The following SLC25A26 variants were observed in gnomAD, a reference collection of about 807,000 sequenced individuals.
SLC25A26 encodes the protein mitochondrial S-adenosylmethionine carrier protein.
A neutral mutation model predicts 37.8 loss-of-function variants in SLC25A26; 36 were observed. The ratio of observed to expected loss-of-function variants is 0.95; its 90% CI spans 0.73 to 1.26. SLC25A26 has a LOEUF of 1.26. SLC25A26 is among the 50% of genes most tolerant of loss of function. SLC25A26 has a pLI of 0.00. For synonymous variants in SLC25A26, 129 were observed against 122.5 expected (o/e 1.05, Z -0.35); for missense variants, 390 against 331.1 (o/e 1.18, Z -1.38).
chr3:66,361,071 G>C (rs2076696550), intron 6 of SLC25A26, among the ~76,000 whole-genome samples: 1 of 152,152 alleles, frequency 6.6e-6, no homozygotes, highest in African/African-American at 2.4e-5. Context: ...ACATAATAGA[G>C]AGTTCAGAAA....
intron 2 of SLC25A26, among the ~76,000 whole-genome samples, chr3:66,241,963 G>T (rs1252566900): frequency 6.6e-6 from 1 of 151,760 alleles, no homozygotes; most frequent in Non-Finnish European, 1.5e-5. Context: ...AGCTAGCCCA[G>T]CCCCTATTCT....
chr3:66,357,866 G>A (rs2076612508), intron 6 of SLC25A26, among the ~76,000 whole-genome samples: 1 of 152,174 alleles, frequency 6.6e-6, no homozygotes, highest in Non-Finnish European at 1.5e-5. Context: ...GGACGAACCA[G>A]CCTCAGTTTT....
At chr3:66,215,659 T>G (rs1026560266) in intron 1 of SLC25A26, among the ~76,000 whole-genome samples, 2 of 152,248 alleles carry the variant, frequency 1.3e-5, no homozygotes, top group Admixed American at 1.3e-4. Flanking sequence ...TAAAGCCATA[T>G]GACTGGTACT....
intron 9 of SLC25A26, among the ~76,000 whole-genome samples, chr3:66,373,207 G>A (rs1027437430): frequency 3.3e-5 from 5 of 152,208 alleles, no homozygotes; most frequent in South Asian, 2.1e-4. Context: ...TGCCACTGCC[G>A]CGAGCATCCC....
At chr3:66,178,780 C>A (rs1389732501) in intron 1 of SLC25A26, among the ~76,000 whole-genome samples, 1 of 151,952 alleles carries the variant, frequency 6.6e-6, no homozygotes, top group Non-Finnish European at 1.5e-5. Context: ...TAAACGCCAG[C>A]AAGTAACATA....
chr3:66,371,536 G>T (rs1700343768), intron 9 of SLC25A26: 1 of 1,252,262 alleles, frequency 8.0e-7, no homozygotes, highest in Admixed American at 3.6e-5. Context: ...CAACTCTGAG[G>T]GATTGACGTT....
Position 66,284,374 on chromosome 3 carries a change from A to G in SLC25A26, c.453+20995A>G, listed in dbSNP as rs143047663. On this transcript the variant is annotated intron_variant, in intron 5 of 9. Coordinates refer to ENST00000354883, the MANE Select transcript of SLC25A26 (RefSeq NM_001379210.1). Reference sequence around the variant, plus strand: ...ATGCTGAGTGCTGGAACTCTAATCCATTGCTATCAGAGAGGGAATAAAGTC... The same window carrying G: ...ATGCTGAGTGCTGGAACTCTAATCCGTTGCTATCAGAGAGGGAATAAAGTC... Among the ~76,000 whole-genome samples the G allele has an allele frequency of 6.6e-3, 999 of 152,298 alleles. 8 individuals are homozygous for G. The highest frequency in any genetic ancestry group is 9.9e-3 in the Non-Finnish European group (674 of 68,008).
rs567641692 is a variant in SLC25A26 at position 66,182,230 on chromosome 3, G to T, written c.-353-38512G>T. ...TGAAAATGACAGCCTGAGGAAGTTT[G>T]TTGGGCTCTCCTAGGGAGTGAGTGG... On this transcript the variant is annotated intron_variant, in intron 1 of 10. Transcript: ENST00000676754. Among the ~76,000 whole-genome samples the T allele has an allele frequency of 5.3e-5, 8 of 152,300 alleles. No homozygotes were observed. The South Asian group carries it at 1.7e-3, about 32-fold the overall frequency.
chr3:66,353,357 G>A (rs1177605661), intron 6 of SLC25A26, among the ~76,000 whole-genome samples: 1 of 152,156 alleles, frequency 6.6e-6, no homozygotes, highest in African/African-American at 2.4e-5. Flanking sequence ...TGTGAAGTAG[G>A]TGCTGGCCTG....
chr3:66,377,417 GCTGGAAGTGCCTTCCAGCCTTAC>G (rs1700731243), intron 9 of SLC25A26, among the ~76,000 whole-genome samples: 1 of 152,062 alleles, frequency 6.6e-6, no homozygotes, highest in Non-Finnish European at 1.5e-5. Context: ...AGAGGTGTGG[GCTGGAAGTGCCTTCCAGCCTTAC>G]CTAGGATTCA....
At chr3:66,219,846 G>A (rs1229206146), upstream of SLC25A26, among the ~76,000 whole-genome samples, 1 of 152,150 alleles carries the variant, frequency 6.6e-6, no homozygotes, top group Non-Finnish European at 1.5e-5. Flanking sequence ...TAATATAATA[G>A]TACCGCATGA....
chr3:66,265,166 C>T (rs2073694922), intron 5 of SLC25A26, among the ~76,000 whole-genome samples: 1 of 151,888 alleles, frequency 6.6e-6, no homozygotes, highest in African/African-American at 2.4e-5. Context: ...CGAAAACTAG[C>T]TGGGCATGGT....
At chr3:66,234,468 G>A (rs1444359604) in intron 1 of SLC25A26, among the ~76,000 whole-genome samples, 2 of 152,246 alleles carry the variant, frequency 1.3e-5, no homozygotes, top group African/African-American at 4.8e-5. Flanking sequence ...TTTGGGTGAC[G>A]TCTTCTTAGG....
At chr3:66,187,604 T>A (rs2070854330) in intron 1 of SLC25A26, among the ~76,000 whole-genome samples, 1 of 152,076 alleles carries the variant, frequency 6.6e-6, no homozygotes, top group Non-Finnish European at 1.5e-5. Flanking sequence ...ACAGTCAACC[T>A]AATCTTTCCT....
chr3:66,314,459 A>G (rs1011537594), intron 5 of SLC25A26, among the ~76,000 whole-genome samples: 20 of 152,098 alleles, frequency 1.3e-4, no homozygotes, highest in Non-Finnish European at 2.9e-4. Flanking sequence ...CATCCTGGGG[A>G]TGAAGCCGAC....
chr3:66,216,212 G>T (rs1032314564), upstream of SLC25A26, among the ~76,000 whole-genome samples: 64 of 152,204 alleles, frequency 4.2e-4, no homozygotes, highest in Non-Finnish European at 6.5e-4. Context: ...AAATACTATC[G>T]TATTTTTCAA....
At chr3:66,217,760 G>C (rs2071383116), upstream of SLC25A26, among the ~76,000 whole-genome samples, 1 of 152,108 alleles carries the variant, frequency 6.6e-6, no homozygotes, top group East Asian at 1.9e-4. Context: ...GTGTTGGCCA[G>C]GCTGGTCTCA....
chr3:66,147,961 G>T (rs2070144884), intron 1 of SLC25A26, among the ~76,000 whole-genome samples: 1 of 152,000 alleles, frequency 6.6e-6, no homozygotes, highest in Non-Finnish European at 1.5e-5. Context: ...GTTTCACCCT[G>T]TCGGCCAGGC....
chr3:66,278,955 C>T (rs890657984), intron 5 of SLC25A26, among the ~76,000 whole-genome samples: 9 of 152,128 alleles, frequency 5.9e-5, no homozygotes, highest in African/African-American at 2.2e-4. Context: ...ATTGAGAAGA[C>T]TTCATGAATG....
Sources: allele counts gnomAD v4.1 joint callset (sites outside exome capture counted in the v4.1 genomes callset), GRCh38; gene constraint gnomAD v4.1.1; transcripts MANE v1.5; gene names NCBI Gene and HGNC (gene_info 2026-07-23, HGNC 2026-07-21).